PLEKHH1: variants seen among roughly 807,000 people sequenced by gnomAD.
PLEKHH1 encodes the protein pleckstrin homology, MyTH4 and FERM domain containing H1.
PLEKHH1 carries 104 observed loss-of-function variants against 160.0 expected under a neutral mutation model. The observed-to-expected ratio is 0.65, with a 90% CI of 0.55 to 0.76. PLEKHH1 has a LOEUF of 0.76. Among genes scored for constraint, PLEKHH1 ranks in the 30% least tolerant of loss-of-function variants. The pLI, the probability that PLEKHH1 is intolerant of heterozygous loss-of-function variation, is 0.00. For synonymous variants in PLEKHH1, 619 were observed against 678.4 expected (o/e 0.91, Z 1.36); for missense variants, 1,427 against 1,724.1 (o/e 0.83, Z 3.05).
chr14:67,583,784 G>A lies in PLEKHH1; in HGVS notation c.3470G>A (p.Gly1157Glu). The A allele has an allele frequency of 1.9e-6, 3 of 1,612,712 alleles. No individual in the cohort carries two copies. The highest frequency in any genetic ancestry group is 2.5e-6 in the Non-Finnish European group (3 of 1,179,294). ...GAGAAGCCTGCCCTGCCAGGCCCTG[G>A]AGGCACATCCCCTGCCAAGGCTCAG... ...DLEKPALPGP[G>E]GTSPAKAQHL... The change falls in exon 25 of 29, where the codon GGA becomes GAA. Residue 1157 changes from glycine (G) to glutamate (E), a missense_variant. Around this residue, in one of 6 missense-constraint regions of PLEKHH1, gnomAD observed 436 missense variants for 607.5 expected, o/e 0.72. Coordinates refer to ENST00000329153, the MANE Select transcript of PLEKHH1 (RefSeq NM_020715.3).
chr14:67,562,798 G>A lies in PLEKHH1; in HGVS notation c.1167G>A (p.Glu389=), dbSNP rs372365445. ...AGCCACCCCCAGCAGGGAAGAATGA[G>A]GAAAGAGAGAGCCCAAAGGCCCTTG... is the stretch of plus-strand genomic sequence containing the variant. ...MEEPPPAGKN[E]ERESPKALGA... Residue 389 remains glutamate (E), a synonymous_variant, in exon 7 of 29, where the codon GAG becomes GAA. Coordinates refer to ENST00000329153, the MANE Select transcript of PLEKHH1 (RefSeq NM_020715.3). 5 of 1,613,798 alleles carry A rather than the reference G, an allele frequency of 3.1e-6. No individual in the cohort carries two copies. The South Asian group carries it at 5.5e-5, about 18-fold the overall frequency.
chr14:67,562,181 G>A lies in PLEKHH1; in HGVS notation c.550G>A (p.Gly184Arg), dbSNP rs773436049. ...ACGGAAGCTGCTGGTGCCCCCCTAC[G>A]GAGCTGCAGAGCAGGATTCTGTCCC... ...PSRKLLVPPY[G>R]AAEQDSVPSE... is the part of the protein sequence containing the mutation. The change falls in exon 7 of 29, where the codon GGA (glycine) becomes AGA (arginine). Residue 184 changes from glycine to arginine, a missense_variant. By Grantham distance (125) the Gly-to-Arg change is moderately radical. Transcript: ENST00000329153. 61 of 1,611,464 alleles carry A rather than the reference G, an allele frequency of 3.8e-5. No individual in the cohort carries two copies. The Admixed American group carries it at 5.4e-4, about 14-fold the overall frequency.
chr14:67,567,177 T>C (rs1489705961), intron 7 of PLEKHH1, among the ~76,000 whole-genome samples: 2 of 152,080 alleles, frequency 1.3e-5, no homozygotes, highest in Admixed American at 6.6e-5. Context: ...GAAATCACAG[T>C]GGCCAGAAGC....
At chr14:67,549,169 G>T (rs536968064) in intron 2 of PLEKHH1, among the ~76,000 whole-genome samples, 1 of 152,274 alleles carries the variant, frequency 6.6e-6, no homozygotes, top group South Asian at 2.1e-4. Flanking sequence ...GTCTTAGCAG[G>T]TCTTTGTGCT....
rs549712079 is a variant in PLEKHH1 at position 67,568,499 on chromosome 14, A to G, written c.1264-639A>G. Among the ~76,000 whole-genome samples the G allele has an allele frequency of 7.2e-5, 11 of 152,266 alleles. No individual in the cohort carries two copies. The South Asian group carries it at 2.3e-3, about 32-fold the overall frequency. ...AAAAGAGCTAAAGCATGCTGGGATT[A>G]ATACCTAGGTGATGGGTTGTTAGGT... is the stretch of plus-strand genomic sequence containing the variant. On this transcript the variant is annotated intron_variant, in intron 7 of 28. Coordinates refer to ENST00000329153, the MANE Select transcript of PLEKHH1 (RefSeq NM_020715.3).
rs1594728894 is a variant in PLEKHH1 at position 67,533,367 on chromosome 14, G to A, written c.-66G>A. On this transcript the variant is annotated 5_prime_UTR_variant, in exon 1 of 29. Transcript: ENST00000329153. ...GCCCGAGGGCGCCCGTGTGCCCAGT[G>A]CGCGGCGGGGACGGCCGCGAGCTCG... 2 of 151,588 alleles carry A rather than the reference G, an allele frequency of 1.3e-5. No homozygotes were observed. The highest frequency in any genetic ancestry group is 2.4e-5 in the African/African-American group (1 of 41,382). 9.4% of individuals were successfully genotyped at this position (151,588 alleles called of 1,614,324 possible).
chr14:67,586,499 C>A, intron 28 of PLEKHH1: 2 of 991,694 alleles, frequency 2.0e-6, no homozygotes, highest in Non-Finnish European at 2.8e-6. Flanking sequence ...CCAACATTAG[C>A]TACAAAGTGG....
rs2036300618 is a variant in PLEKHH1, at chr14:67,589,458, G to A, written c.*2223G>A. The A allele has an allele frequency of 1.0e-6, 1 of 985,174 alleles. No individual in the cohort carries two copies. Among genetic ancestry groups the A allele is most frequent in the African/African-American group, 1.7e-5 (1 of 57,228 alleles). 61.0% of individuals were successfully genotyped at this position (985,174 alleles called of 1,614,324 possible). On this transcript the variant is annotated 3_prime_UTR_variant, in exon 29 of 29. Transcript: ENST00000329153. ...AAAAAAAATGCTGAGTAACAGAAAAGTATTAATGTGCTTGACACCATGACT... is the reference window on the plus strand; with the variant it reads ...AAAAAAAATGCTGAGTAACAGAAAAATATTAATGTGCTTGACACCATGACT...
chr14:67,575,311 C>T, intron 14 of PLEKHH1, 81 bp from the exon 15 acceptor site: 1 of 800,774 alleles, frequency 1.2e-6, no homozygotes, highest in Non-Finnish European at 2.0e-6. Flanking sequence ...ATCTGTCTCC[C>T]TGTGGCTTCT....
intron 2 of PLEKHH1, among the ~76,000 whole-genome samples, chr14:67,544,524 C>T (rs2034101817): frequency 6.6e-6 from 1 of 152,064 alleles, no homozygotes. Context: ...TATCCACAGA[C>T]ACAAAAAACA....
chr14:67,546,610 G>T (rs538069850), intron 2 of PLEKHH1, among the ~76,000 whole-genome samples: 166 of 152,252 alleles, frequency 1.1e-3, no homozygotes, highest in African/African-American at 3.3e-3. Flanking sequence ...GGCTGGTCTT[G>T]AACTCCCAAC....
Position 67,574,168 on chromosome 14 carries a change from C to A in PLEKHH1, c.1927-74C>A. On this transcript the variant is annotated intron_variant, in intron 13 of 28. Coordinates refer to ENST00000329153, the MANE Select transcript of PLEKHH1 (RefSeq NM_020715.3). The surrounding 1 kb of genome is among the most constrained non-coding windows in gnomAD (Gnocchi z 4.2). ...AGCCCCTTGGGTTCAGGGACAGGTG[C>A]CACCTCGGAGCCAGGTCCTGGTTAC... 2 of 1,368,072 alleles carry A rather than the reference C, an allele frequency of 1.5e-6. No individual in the cohort carries two copies. The highest frequency in any genetic ancestry group is 2.0e-6 in the Non-Finnish European group (2 of 1,014,118). The allele number at this position is 1,368,072 out of a possible 1,614,324, so 84.7% of individuals were successfully genotyped here.
chr14:67,535,582 A>C (rs1421341404), intron 1 of PLEKHH1, among the ~76,000 whole-genome samples: 1 of 151,892 alleles, frequency 6.6e-6, no homozygotes, highest in African/African-American at 2.4e-5. Context: ...GGGTTTCACC[A>C]TGTTGGCCAG....
At chr14:67,571,964 G>T in intron 10 of PLEKHH1, 62 bp downstream of exon 10, 1 of 1,537,154 alleles carries the variant, frequency 6.5e-7, no homozygotes, top group East Asian at 2.4e-5. Flanking sequence ...TCTTCCCATG[G>T]GCACTTGAAC....
In PLEKHH1 at chr14:67,562,445, C is replaced by T. The variant is rs757497606; in HGVS notation, c.814C>T (p.Leu272Phe). 21 of 1,613,588 alleles carry T rather than the reference C, an allele frequency of 1.3e-5. No homozygotes were observed. The highest frequency in any genetic ancestry group is 1.6e-4 in the Middle Eastern group (1 of 6,084). The change falls in exon 7 of 29, where the codon CTT (leucine) becomes TTT (phenylalanine). Residue 272 changes from leucine to phenylalanine, a missense_variant. This residue lies in a region of PLEKHH1 where 831 missense variants were observed against 929.2 expected (regional missense o/e 0.89). Coordinates refer to ENST00000329153, the MANE Select transcript of PLEKHH1 (RefSeq NM_020715.3). Reference protein sequence around the residue: ...ESPPHQPCMKLLTFRCSSASW... With the variant: ...ESPPHQPCMKFLTFRCSSASW... ...CCCTCCCCACCAGCCATGCATGAAG[C>T]TTCTTACCTTCAGATGTAGTTCAGC... is the stretch of plus-strand genomic sequence containing the variant.
At chr14:67,540,565 G>A (rs1312228690) in intron 1 of PLEKHH1, among the ~76,000 whole-genome samples, 3 of 151,018 alleles carry the variant, frequency 2.0e-5, no homozygotes, top group African/African-American at 7.3e-5. Flanking sequence ...GGCAGAGGTT[G>A]TAGTGAGCCA....
Position 67,541,919 on chromosome 14 carries a change from T to C in PLEKHH1, c.52T>C (p.Cys18Arg). The change falls in exon 2 of 29, where the codon TGC becomes CGC. Residue 18 changes from cysteine to arginine, a missense_variant. Around this residue, in one of 6 missense-constraint regions of PLEKHH1, gnomAD observed 831 missense variants for 929.2 expected, o/e 0.89. Transcript: ENST00000329153. ...APASVDWQKR[C>R]LTLETQLFRF... ...GGCCAGCGTAGACTGGCAGAAACGC[T>C]GCCTGACCCTGGAAACTCAGCTTTT... is the stretch of plus-strand genomic sequence containing the variant. 6.2e-7 allele frequency: 1 copy of C among 1,605,566 alleles called. No homozygotes were observed. Among genetic ancestry groups the C allele is most frequent in the Non-Finnish European group, 8.5e-7 (1 of 1,176,272 alleles).
chr14:67,550,836 T>C (rs929332357), intron 2 of PLEKHH1, among the ~76,000 whole-genome samples: 3 of 152,210 alleles, frequency 2.0e-5, no homozygotes, highest in Non-Finnish European at 2.9e-5. Flanking sequence ...ATTCTGGCTT[T>C]GAATCTTAGT....
At chr14:67,543,718 C>A (rs1213739468) in intron 2 of PLEKHH1, among the ~76,000 whole-genome samples, 1 of 151,496 alleles carries the variant, frequency 6.6e-6, no homozygotes, top group Non-Finnish European at 1.5e-5. Context: ...CTCAGCCAGG[C>A]AGTCTGAGAT....
Sources: gnomAD v4.1 joint callset for allele counts (sites outside exome capture counted in the v4.1 genomes callset) on GRCh38, gnomAD v4.1.1 for gene constraint, gnomAD v4.1.1 regional missense constraint, Gnocchi (gnomAD v3.1) non-coding constraint, MANE v1.5 for transcripts, NCBI Gene and HGNC (gene_info 2026-07-23, HGNC 2026-07-21) for gene names.